Variants in SLC30A9 observed in about 807,000 individuals in gnomAD.
SLC30A9 encodes solute carrier family 30 member 9.
SLC30A9 carries 58 observed loss-of-function variants against 87.5 expected under a neutral mutation model. The observed-to-expected ratio is 0.66, with a 90% CI of 0.54 to 0.82. SLC30A9 has a LOEUF of 0.82. SLC30A9 is among the 40% of genes least tolerant of loss of function. The pLI is 0.00. For missense variants in SLC30A9, 557 were observed against 679.1 expected, an observed-to-expected ratio of 0.82 and a Z score of 2.00; for synonymous variants, 234 against 233.0, an observed-to-expected ratio of 1.00 and a Z score of -0.04.
intron 17 of SLC30A9, among the ~76,000 whole-genome samples, chr4:42,085,129 G>A (rs1718877725): frequency 6.6e-6 from 1 of 152,166 alleles, no homozygotes; most frequent in African/African-American, 2.4e-5. Context: ...TGCACACTTT[G>A]CAGGCTGTCT....
At chr4:42,068,026 C>CG (rs1279481560) in intron 14 of SLC30A9, among the ~76,000 whole-genome samples, 1 of 152,138 alleles carries the variant, frequency 6.6e-6, no homozygotes, top group Non-Finnish European at 1.5e-5. Context: ...TTTCACTTTG[C>CG]AAACATTTAT....
At chr4:42,085,656 T>C (rs1363097415) in intron 17 of SLC30A9, among the ~76,000 whole-genome samples, 2 of 152,208 alleles carry the variant, frequency 1.3e-5, no homozygotes, top group Non-Finnish European at 2.9e-5. Flanking sequence ...TTAATAATCA[T>C]AGCTCTGTTT....
chr4:42,088,992 G>C lies in SLC30A9; in HGVS notation c.*2866G>C, dbSNP rs1002345552. 5.4e-5 allele frequency: 8 copies of C among 147,236 alleles called. No homozygotes were observed. The highest frequency in any genetic ancestry group is 2.0e-4 in the African/African-American group (8 of 40,900). 9.1% of individuals were successfully genotyped at this position (147,236 alleles called of 1,614,324 possible). ...AAATAAGGCTATATTTAGTTTTTCAGGTTTCTTGTTATTTTACCAAATTAA... is the reference window on the plus strand; with the variant it reads ...AAATAAGGCTATATTTAGTTTTTCACGTTTCTTGTTATTTTACCAAATTAA... On this transcript the variant is annotated 3_prime_UTR_variant, in exon 18 of 18. Transcript: ENST00000264451.
At chr4:42,080,987 A>T (rs1232410771) in intron 17 of SLC30A9, among the ~76,000 whole-genome samples, 1 of 152,192 alleles carries the variant, frequency 6.6e-6, no homozygotes, top group Non-Finnish European at 1.5e-5. Context: ...TTCAACTTAA[A>T]TTTCCACTTA....
chr4:42,046,099 C>T (rs1204029087), intron 8 of SLC30A9, among the ~76,000 whole-genome samples: 1 of 152,146 alleles, frequency 6.6e-6, no homozygotes, highest in Non-Finnish European at 1.5e-5. Context: ...ATAAAAAGAG[C>T]TATTTATGAC....
rs112066123 is a variant in SLC30A9 at position 42,018,238 on chromosome 4, T to C, written c.334+68T>C. 36 of 894,966 alleles carry C rather than the reference T, an allele frequency of 4.0e-5. 1 individual carries two copies. In the African/African-American group the frequency reaches 4.6e-4, roughly 11 times the overall value. 55.4% of individuals were successfully genotyped at this position (894,966 alleles called of 1,614,324 possible). A position where few individuals can be genotyped will look rare whatever the true frequency, so the allele number is the denominator to read the frequency against. ...GAATTAAATATATAACATTGGTTTA[T>C]GTAGAGCTCTTTATAGTTATATTAT... On this transcript the variant is annotated intron_variant, in intron 3 of 17. Transcript: ENST00000264451.
At chr4:41,993,146 GAATT>G (rs1269114926) in intron 1 of SLC30A9, among the ~76,000 whole-genome samples, 2 of 149,820 alleles carry the variant, frequency 1.3e-5, no homozygotes, top group Admixed American at 1.3e-4. Context: ...ATATATCCTA[GAATT>G]AATTTTAATA....
chr4:42,072,755 A>G (rs989524475), intron 15 of SLC30A9, among the ~76,000 whole-genome samples: 2 of 149,690 alleles, frequency 1.3e-5, no homozygotes, highest in Admixed American at 6.7e-5. Context: ...TGTTAGGTTT[A>G]ATTGGTTTAT....
intron 17 of SLC30A9, among the ~76,000 whole-genome samples, chr4:42,079,519 C>G (rs1430743439): frequency 6.6e-6 from 1 of 151,940 alleles, no homozygotes; most frequent in African/African-American, 2.4e-5. Context: ...GTCTCGAACT[C>G]CTGACCTCAA....
At chr4:42,024,574 TTAA>T (rs1243006749) in intron 6 of SLC30A9, among the ~76,000 whole-genome samples, 3 of 152,320 alleles carry the variant, frequency 2.0e-5, no homozygotes, top group African/African-American at 4.8e-5. Context: ...GGATTGAGTG[TTAA>T]TAATACAATT....
At chr4:42,076,064 TA>T (rs1718538515) in intron 16 of SLC30A9, among the ~76,000 whole-genome samples, 1 of 152,172 alleles carries the variant, frequency 6.6e-6, no homozygotes, top group South Asian at 2.1e-4. Context: ...ATAACATTTT[TA>T]TTTTAACATA....
chr4:42,005,666 T>G (rs780711321), intron 2 of SLC30A9, among the ~76,000 whole-genome samples: 7 of 152,220 alleles, frequency 4.6e-5, no homozygotes, highest in Non-Finnish European at 1.0e-4. Flanking sequence ...CTGGCTTTGA[T>G]ATGTTCATTT....
rs372123431 is a variant in SLC30A9 at position 41,990,725 on chromosome 4, G to A, written c.74G>A (p.Cys25Tyr). 7 of 1,611,682 alleles carry A rather than the reference G, an allele frequency of 4.3e-6. No homozygotes were observed. The South Asian group carries it at 7.7e-5, about 18-fold the overall frequency. ...WSSLCRLRLR[C>Y]RAAACNPSDR... ...TCCCTGTGCCGGCTCCGTCTGCGAT[G>A]CAGGGCGGCGGCCTGTAATCCCAGC... Residue 25 changes from cysteine (C) to tyrosine (Y), a missense_variant, in exon 1 of 18, where the codon TGC becomes TAC. By Grantham distance (194) the Cys-to-Tyr change is radical. Transcript: ENST00000264451.
chr4:42,039,757 G>A (rs971594491), intron 8 of SLC30A9, among the ~76,000 whole-genome samples: 5 of 152,034 alleles, frequency 3.3e-5, no homozygotes, highest in Admixed American at 6.5e-5. Flanking sequence ...CACTGAGCCC[G>A]GCCTTGCCTT....
chr4:42,029,422 A>G lies in SLC30A9; in HGVS notation c.611-5853A>G, dbSNP rs958124656. Reference sequence around the variant, plus strand: ...ATTTAAACCCACATATCAGAACCACATATCAGGACCCCCACCAGGATTAAC... The same window carrying G: ...ATTTAAACCCACATATCAGAACCACGTATCAGGACCCCCACCAGGATTAAC... On this transcript the variant is annotated intron_variant, in intron 6 of 17. Transcript: ENST00000264451. 12 of 575,224 alleles carry G rather than the reference A, an allele frequency of 2.1e-5. 1 individual carries two copies. The highest frequency in any genetic ancestry group is 9.5e-5 in the South Asian group (6 of 63,454). 35.6% of individuals were successfully genotyped at this position (575,224 alleles called of 1,614,324 possible).
chr4:42,000,224 A>G (rs1462957143), intron 1 of SLC30A9, among the ~76,000 whole-genome samples: 1 of 98,688 alleles, frequency 1.0e-5, no homozygotes, highest in Admixed American at 1.3e-4. Context: ...AAAATATTTC[A>G]TCAGTGTATG....
intron 1 of SLC30A9, among the ~76,000 whole-genome samples, chr4:41,992,690 AT>A (rs966557756): frequency 2.6e-4 from 39 of 152,192 alleles, no homozygotes; most frequent in African/African-American, 9.4e-4. Flanking sequence ...AAAAATTAAA[AT>A]TTTTTTTACA....
rs973945886 is a variant in SLC30A9 at position 42,015,858 on chromosome 4, T to TA, written c.275-2252dup. On this transcript the variant is annotated intron_variant, in intron 2 of 17. Transcript: ENST00000264451. ...GTAATCTAGTATCTATTCTTTTTTT[T>TA]ACCACCTAGAAAAATACACAAATAC... Among the ~76,000 whole-genome samples the TA allele has an allele frequency of 2.6e-5, 4 of 152,114 alleles. 1 individual carries two copies. The highest frequency in any genetic ancestry group is 9.7e-5 in the African/African-American group (4 of 41,420).
chr4:42,080,653 A>G (rs1718714786), intron 17 of SLC30A9, among the ~76,000 whole-genome samples: 1 of 152,222 alleles, frequency 6.6e-6, no homozygotes, highest in Non-Finnish European at 1.5e-5. Context: ...CCCATCATAT[A>G]TCACATTCTA....
Sources: gnomAD v4.1 joint callset for allele counts (sites outside exome capture counted in the v4.1 genomes callset) on GRCh38, gnomAD v4.1.1 for gene constraint, MANE v1.5 for transcripts, NCBI Gene and HGNC (gene_info 2026-07-23, HGNC 2026-07-21) for gene names.